The following CNTN5 variants were observed in gnomAD, a reference collection of about 807,000 sequenced individuals.
The protein encoded by CNTN5 is contactin 5.
In CNTN5, 77 loss-of-function variants were observed where a neutral mutation model predicts 129.1. The observed-to-expected ratio is 0.60, with a 90% confidence interval of 0.50 to 0.72. The LOEUF (loss-of-function observed/expected upper bound fraction) is 0.72, where lower values mean the gene tolerates loss of function less well. CNTN5 is among the 30% of genes least tolerant of loss of function. The pLI is 0.00. For missense variants in CNTN5, 1,478 were observed against 1,328.8 expected (o/e 1.11, Z -1.75); for synonymous variants, 509 against 465.6 (o/e 1.09, Z -1.20).
chr11:100,246,815 C>T (rs1309483145), intron 16 of CNTN5, among the ~76,000 whole-genome samples: 1 of 152,136 alleles, frequency 6.6e-6, no homozygotes, highest in African/African-American at 2.4e-5. Context: ...TCAACGACTA[C>T]ACTAATCTGT....
chr11:99,886,036 T>C (rs1021527503), intron 6 of CNTN5, among the ~76,000 whole-genome samples: 2 of 152,142 alleles, frequency 1.3e-5, no homozygotes, highest in African/African-American at 4.8e-5. Context: ...GGAAAATGTG[T>C]ATCTACATTA....
intron 2 of CNTN5, among the ~76,000 whole-genome samples, chr11:99,394,074 A>G (rs566717264): frequency 1.3e-5 from 2 of 151,794 alleles, no homozygotes; most frequent in South Asian, 2.1e-4. Context: ...ATTTTTGCCA[A>G]TATGTGAAGT....
chr11:100,158,541 A>C (rs1162850663), intron 13 of CNTN5, among the ~76,000 whole-genome samples: 1 of 151,864 alleles, frequency 6.6e-6, no homozygotes, highest in South Asian at 2.1e-4. Context: ...AAAATTGGCA[A>C]ATATCCTGAC....
chr11:99,463,108 A>AAAATAAATAAATAAATAAATAAATAAAT (rs376289717), intron 2 of CNTN5, among the ~76,000 whole-genome samples: 6 of 121,118 alleles, frequency 5.0e-5, no homozygotes, highest in East Asian at 5.3e-4. Flanking sequence ...ACTCCATCTC[A>AAAATAAATAAATAAATAAATAAATAAAT]AAATAAATAA....
At chr11:100,245,972 AT>A (rs1417526019) in intron 16 of CNTN5, among the ~76,000 whole-genome samples, 1 of 152,126 alleles carries the variant, frequency 6.6e-6, no homozygotes, top group Non-Finnish European at 1.5e-5. Context: ...AGTCATTATT[AT>A]TTCAGTATTT....
intron 1 of CNTN5, among the ~76,000 whole-genome samples, chr11:99,205,355 T>G (rs1859426594): frequency 6.6e-6 from 1 of 152,164 alleles, no homozygotes; most frequent in African/African-American, 2.4e-5. Flanking sequence ...GATCCATCTC[T>G]ACCTGCTCTA....
intron 18 of CNTN5, among the ~76,000 whole-genome samples, chr11:100,291,778 TA>T (rs1565405947): frequency 1.1e-4 from 12 of 113,926 alleles, no homozygotes; most frequent in Non-Finnish European, 1.9e-4. Flanking sequence ...AATAAATAAA[TA>T]AATAAATAAA....
At chr11:99,352,079 C>G (rs1938335386) in intron 2 of CNTN5, among the ~76,000 whole-genome samples, 1 of 152,084 alleles carries the variant, frequency 6.6e-6, no homozygotes, top group Admixed American at 6.6e-5. Context: ...CAGTAAATGC[C>G]CAGCATTGAA....
At chr11:99,824,511 A>G (rs1305777480) in intron 4 of CNTN5, among the ~76,000 whole-genome samples, 1 of 152,146 alleles carries the variant, frequency 6.6e-6, no homozygotes, top group East Asian at 1.9e-4. Flanking sequence ...GGTTAAATGC[A>G]TTGCGGATAT....
At chr11:99,872,498 G>A (rs992668494) in intron 6 of CNTN5, among the ~76,000 whole-genome samples, 1 of 152,024 alleles carries the variant, frequency 6.6e-6, no homozygotes, top group Non-Finnish European at 1.5e-5. Context: ...GACAGCAGTT[G>A]GCTAAACAAG....
At chr11:100,227,023 A>G (rs1403711318) in intron 16 of CNTN5, among the ~76,000 whole-genome samples, 1 of 152,072 alleles carries the variant, frequency 6.6e-6, no homozygotes, top group African/African-American at 2.4e-5. Context: ...AAGCACAATT[A>G]TTCAAATATG....
At position 99,403,804 on chromosome 11, in the gene CNTN5, G is replaced by A. The variant is rs919059085; in HGVS notation, c.-71+78320G>A. Among the ~76,000 whole-genome samples, 17 of 152,134 alleles carry A rather than the reference G, an allele frequency of 1.1e-4. 1 individual carries two copies. Among genetic ancestry groups the A allele is most frequent in the Admixed American group, 3.3e-4 (5 of 15,262 alleles). On this transcript the variant is annotated intron_variant, in intron 2 of 24. Coordinates refer to ENST00000524871, the MANE Select transcript of CNTN5 (RefSeq NM_014361.4). Reference sequence around the variant, plus strand: ...GGCTGTCCTTGATGATGATCCATGTGCTGAGGAGAATAATGTGTATTCTGC... The same window carrying A: ...GGCTGTCCTTGATGATGATCCATGTACTGAGGAGAATAATGTGTATTCTGC...
chr11:100,330,366 TGAA>T (rs1258281158), intron 21 of CNTN5, among the ~76,000 whole-genome samples: 15 of 152,294 alleles, frequency 9.8e-5, no homozygotes, highest in South Asian at 6.2e-4. Context: ...TTGATGTTCC[TGAA>T]GAAGAAGAGA....
At chr11:99,230,285 A>T (rs1214909563) in intron 1 of CNTN5, among the ~76,000 whole-genome samples, 1 of 152,140 alleles carries the variant, frequency 6.6e-6, no homozygotes, top group African/African-American at 2.4e-5. Flanking sequence ...TGACGAAAGC[A>T]TTTTTTGGGA....
At chr11:99,889,623 C>G (rs1183935241) in intron 6 of CNTN5, among the ~76,000 whole-genome samples, 1 of 151,082 alleles carries the variant, frequency 6.6e-6, no homozygotes, top group Non-Finnish European at 1.5e-5. Context: ...ACATCCTCTG[C>G]CTCCTGGGTT....
At chr11:99,041,605 G>C (rs1863985038) in intron 1 of CNTN5, among the ~76,000 whole-genome samples, 2 of 152,058 alleles carry the variant, frequency 1.3e-5, no homozygotes, top group Non-Finnish European at 1.5e-5. Flanking sequence ...CAAATTGATT[G>C]CCCTCATTAA....
chr11:99,145,736 GTAA>G (rs1859754318), intron 1 of CNTN5, among the ~76,000 whole-genome samples: 1 of 151,974 alleles, frequency 6.6e-6, no homozygotes, highest in Non-Finnish European at 1.5e-5. Flanking sequence ...ACAAATGATG[GTAA>G]TAATATTTTA....
At chr11:99,327,399 T>G (rs1865831372) in intron 2 of CNTN5, among the ~76,000 whole-genome samples, 2 of 152,214 alleles carry the variant, frequency 1.3e-5, no homozygotes, top group Non-Finnish European at 2.9e-5. Flanking sequence ...AACAGAAGTC[T>G]AATTAATTTT....
chr11:99,114,358 C>A (rs567649835), intron 1 of CNTN5, among the ~76,000 whole-genome samples: 2 of 151,906 alleles, frequency 1.3e-5, no homozygotes, highest in African/African-American at 4.8e-5. Flanking sequence ...AAATCATGAA[C>A]CTGACAACCT....
Sources: gnomAD v4.1 joint callset for allele counts (sites outside exome capture counted in the v4.1 genomes callset) on GRCh38, gnomAD v4.1.1 for gene constraint, MANE v1.5 for transcripts, NCBI Gene and HGNC (gene_info 2026-07-23, HGNC 2026-07-21) for gene names.